The following GRIN2D variants were observed in gnomAD, a reference collection of about 807,000 sequenced individuals.
GRIN2D encodes the protein glutamate ionotropic receptor NMDA type subunit 2D.
Under a neutral mutation model 103.2 loss-of-function variants are expected in GRIN2D, and 37 were observed. That is an observed-to-expected ratio of 0.36 (90% confidence interval 0.28 to 0.47). The LOEUF is 0.47. Ranked by LOEUF, GRIN2D falls within the 20% of genes least tolerant of loss-of-function variation. GRIN2D has a pLI of 1.00. For synonymous variants in GRIN2D, 845 were observed against 885.6 expected, an observed-to-expected ratio of 0.95 and a Z score of 0.81; for missense variants, 1,557 against 1,910.6, an observed-to-expected ratio of 0.81 and a Z score of 3.45.
chr19:48,397,024 G>C (rs1014179421), intron 2 of GRIN2D, among the ~76,000 whole-genome samples: 1 of 152,072 alleles, frequency 6.6e-6, no homozygotes, highest in Non-Finnish European at 1.5e-5. Context: ...TTCAACAGGG[G>C]GCACAGGAAG....
At chr19:48,417,754 C>T (rs1970964815) in intron 8 of GRIN2D, among the ~76,000 whole-genome samples, 1 of 152,128 alleles carries the variant, frequency 6.6e-6, no homozygotes, top group African/African-American at 2.4e-5. Flanking sequence ...CCCCAGCTGC[C>T]GCAGTGACAG....
Position 48,442,763 on chromosome 19 carries a change from C to G in GRIN2D, c.2837C>G (p.Thr946Ser), listed in dbSNP as rs1195885888. ...GCCTCAGTGGACCGCTGGCGCCGGA[C>G]CAAGGGCGCGGGGCCGCCGGGGGGC... ...ERASVDRWRRTKGAGPPGGAG... is the reference protein window; with the variant it reads ...ERASVDRWRRSKGAGPPGGAG... The change falls in exon 14 of 14, where the codon ACC (threonine) becomes AGC (serine). Residue 946 changes from threonine to serine, a missense_variant. Transcript: ENST00000263269. This position sits in a 1 kb window ranked among gnomAD's most constrained non-coding sequence, Gnocchi z 7.2. 6 of 1,077,010 alleles carry G rather than the reference C, an allele frequency of 5.6e-6. No individual in the cohort carries two copies. The highest frequency in any genetic ancestry group is 5.6e-6 in the Non-Finnish European group (5 of 890,016). 66.7% of individuals were successfully genotyped at this position (1,077,010 alleles called of 1,614,324 possible).
chr19:48,427,140 C>T (rs1472975841), intron 11 of GRIN2D, among the ~76,000 whole-genome samples: 1 of 151,668 alleles, frequency 6.6e-6, no homozygotes, highest in South Asian at 2.1e-4. Context: ...GCCAACATGG[C>T]GAAACCCTGT....
chr19:48,420,553 C>T (rs985526491), intron 10 of GRIN2D, among the ~76,000 whole-genome samples: 1 of 152,052 alleles, frequency 6.6e-6, no homozygotes, highest in Non-Finnish European at 1.5e-5. Flanking sequence ...TGGCCAGGAA[C>T]GGTGGCTCAC....
intron 11 of GRIN2D, among the ~76,000 whole-genome samples, chr19:48,426,224 C>CTTTTTTTTTTTTTTTTTTTTTTTTTTT (rs369360320): frequency 9.2e-5 from 11 of 120,118 alleles, no homozygotes; most frequent in African/African-American, 2.5e-4. Flanking sequence ...TTCTTTCTTT[C>CTTTTTTTTTTTTTTTTTTTTTTTTTTT]TTTTTTTTTT....
chr19:48,434,663 G>T (rs552689818), intron 11 of GRIN2D, among the ~76,000 whole-genome samples: 1 of 151,758 alleles, frequency 6.6e-6, no homozygotes, highest in East Asian at 1.9e-4. Flanking sequence ...CAAACTCCTG[G>T]CCTCAAGCAA....
intron 11 of GRIN2D, among the ~76,000 whole-genome samples, chr19:48,435,605 C>T (rs1004688295): frequency 3.3e-5 from 5 of 152,246 alleles, no homozygotes; most frequent in East Asian, 3.9e-4. Context: ...CCACCACACC[C>T]GGCTAATTTT....
chr19:48,419,011 G>T (rs1447286532), intron 8 of GRIN2D, among the ~76,000 whole-genome samples: 1 of 151,810 alleles, frequency 6.6e-6, no homozygotes, highest in Non-Finnish European at 1.5e-5. Flanking sequence ...CTTGTTCCCT[G>T]CTGGTAGTAC....
intron 4 of GRIN2D, among the ~76,000 whole-genome samples, chr19:48,406,174 A>G (rs993907041): frequency 1.3e-5 from 2 of 152,116 alleles, no homozygotes; most frequent in Non-Finnish European, 2.9e-5. Flanking sequence ...GATAGGCTAG[A>G]CGTCCATTCC....
At chr19:48,435,229 G>T (rs569508851) in intron 11 of GRIN2D, among the ~76,000 whole-genome samples, 1 of 150,348 alleles carries the variant, frequency 6.7e-6, no homozygotes, top group East Asian at 2.0e-4. Context: ...TCCTTGGCTT[G>T]TAAAAAGCTG....
At chr19:48,428,289 A>G (rs1971112281) in intron 11 of GRIN2D, among the ~76,000 whole-genome samples, 1 of 150,322 alleles carries the variant, frequency 6.7e-6, no homozygotes, top group Non-Finnish European at 1.5e-5. Flanking sequence ...TACCCACCTC[A>G]GCTTCCCAAA....
Position 48,443,958 on chromosome 19 carries a change from C to T in GRIN2D, c.*21C>T. The stretch of plus-strand genomic sequence containing the variant: ...TATGACGCGGCCCCGGGGGCCCCAC[C>T]GCCCCCTTGGTCAGCGCAGGCCACG... On this transcript the variant is annotated 3_prime_UTR_variant, in exon 14 of 14. Transcript: ENST00000263269. This position sits in a 1 kb window ranked among gnomAD's most constrained non-coding sequence, Gnocchi z 8.9. The T allele has an allele frequency of 1.5e-6, 2 of 1,371,730 alleles. No homozygotes were observed. The highest frequency in any genetic ancestry group is 9.4e-7 in the Non-Finnish European group (1 of 1,059,926). The allele number at this position is 1,371,730 out of a possible 1,614,324, so 85.0% of individuals were successfully genotyped here.
chr19:48,398,889 GGAGGGGCGGGGACAGCCGCT>G (rs1473433172), intron 3 of GRIN2D, 32 bp downstream of exon 3: 3 of 1,310,716 alleles, frequency 2.3e-6, no homozygotes, highest in Non-Finnish European at 1.9e-6. Context: ...CGGGGCCACA[GGAGGGGCGGGGACAGCCGCT>G]GAGGGGCGGG....
At chr19:48,442,000 C>T in intron 12 of GRIN2D, 44 bp downstream of exon 12, 2 of 1,558,696 alleles carry the variant, frequency 1.3e-6, no homozygotes, top group Non-Finnish European at 8.7e-7. Context: ...AGGGGGAGGG[C>T]GAGGCCCCTG....
chr19:48,422,966 C>T (rs935948009), intron 11 of GRIN2D, among the ~76,000 whole-genome samples: 1 of 151,910 alleles, frequency 6.6e-6, no homozygotes, highest in African/African-American at 2.4e-5. Flanking sequence ...GCAACAGGCT[C>T]TTGGGAGGCC....
rs771786762 is a variant in GRIN2D, at chr19:48,442,402, G to T, written c.2673+20G>T. 6.3e-7 allele frequency: 1 copy of T among 1,594,276 alleles called. No homozygotes were observed. The highest frequency in any genetic ancestry group is 1.7e-5 in the Admixed American group (1 of 59,934). ...TCCAGGGTATGGGGCAGAGAGGGAG[G>T]CAGAGAGGGGGAGATGGCAGGGGCG... On this transcript the variant is annotated intron_variant, in intron 13 of 13. Coordinates refer to ENST00000263269, the MANE Select transcript of GRIN2D (RefSeq NM_000836.4). The surrounding 1 kb of genome is among the most constrained non-coding windows in gnomAD (Gnocchi z 7.2).
intron 11 of GRIN2D, among the ~76,000 whole-genome samples, chr19:48,429,601 C>T (rs972835506): frequency 2.6e-5 from 4 of 151,972 alleles, no homozygotes; most frequent in Non-Finnish European, 2.9e-5. Context: ...GGTTTCGCCA[C>T]GTTGGCCAGG....
At chr19:48,408,057 G>A (rs922531712) in intron 4 of GRIN2D, among the ~76,000 whole-genome samples, 4 of 152,078 alleles carry the variant, frequency 2.6e-5, no homozygotes, top group Admixed American at 6.6e-5. Context: ...GGCGTTGGCC[G>A]GGCGTGGTGG....
rs779162967 is a variant in GRIN2D, at chr19:48,404,860, C to T, written c.592C>T (p.Arg198Trp). Reference protein sequence around the residue: ...VAVTTRAPGHRAFLSYIEVLT... With the variant: ...VAVTTRAPGHWAFLSYIEVLT... ...CGTGACCACTCGTGCCCCTGGCCAC[C>T]GGGCCTTCCTGTCCTACATTGAGGT... Residue 198 changes from arginine to tryptophan, a missense_variant, in exon 4 of 14, where the codon CGG (arginine) becomes TGG (tryptophan). By Grantham distance (101) the Arg-to-Trp change is moderately radical. This residue lies in a region of GRIN2D where 490 missense variants were observed against 601.1 expected (regional missense o/e 0.82). Transcript: ENST00000263269. 2 of 1,614,186 alleles carry T rather than the reference C, an allele frequency of 1.2e-6. No homozygotes were observed. The highest frequency in any genetic ancestry group is 1.1e-5 in the South Asian group (1 of 91,084).
Sources: allele counts gnomAD v4.1 joint callset (sites outside exome capture counted in the v4.1 genomes callset), GRCh38; gene constraint gnomAD v4.1.1; regional missense constraint gnomAD v4.1.1; non-coding constraint Gnocchi (gnomAD v3.1); transcripts MANE v1.5; gene names NCBI Gene and HGNC (gene_info 2026-07-23, HGNC 2026-07-21).